Variants in TPRG1 observed in about 807,000 individuals in gnomAD.
TPRG1 encodes tumor protein p63-regulated gene 1 protein.
Under a neutral mutation model 29.3 loss-of-function variants are expected in TPRG1, and 29 were observed. The ratio of observed to expected loss-of-function variants is 0.99; its 90% CI spans 0.74 to 1.35. The LOEUF is 1.35. TPRG1 is among the 40% of genes most tolerant of loss of function. The pLI is 0.00. For synonymous variants in TPRG1, 130 were observed against 116.8 expected, an observed-to-expected ratio of 1.11 and a Z score of -0.73; for missense variants, 327 against 335.0, an observed-to-expected ratio of 0.98 and a Z score of 0.19.
intron 1 of TPRG1, 88 bp downstream of exon 1, chr3:189,172,219 G>T (rs1445357609): frequency 6.6e-6 from 1 of 152,198 alleles, no homozygotes; most frequent in Admixed American, 6.6e-5. Flanking sequence ...CCGAGTTTCT[G>T]GTCACCTCCC....
At chr3:189,023,410 TGATTCTTAGCTTCTTC>T in intron 3 of TPRG1, among the ~76,000 whole-genome samples, 1 of 152,230 alleles carries the variant, frequency 6.6e-6, no homozygotes, top group Admixed American at 6.5e-5. Context: ...TGTTTTATCA[TGATTCTTAGCTTCTTC>T]GCATTGAGTT....
intron 5 of TPRG1, among the ~76,000 whole-genome samples, chr3:189,318,393 C>T (rs1016922194): frequency 6.6e-6 from 1 of 152,090 alleles, no homozygotes; most frequent in African/African-American, 2.4e-5. Context: ...CAACTTTTCC[C>T]TTGAGTTTGT....
At chr3:189,199,955 A>G in intron 1 of TPRG1, among the ~76,000 whole-genome samples, 1 of 152,190 alleles carries the variant, frequency 6.6e-6, no homozygotes, top group South Asian at 2.1e-4. Flanking sequence ...GCAAACAATC[A>G]AGTCTCACCT....
chr3:189,064,626 C>T (rs759561011), intron 4 of TPRG1, among the ~76,000 whole-genome samples: 1 of 152,006 alleles, frequency 6.6e-6, no homozygotes, highest in Non-Finnish European at 1.5e-5. Context: ...AATCAATAAT[C>T]TCTAACAATA....
At chr3:189,315,269 C>G (rs1361911300) in intron 5 of TPRG1, among the ~76,000 whole-genome samples, 1 of 141,742 alleles carries the variant, frequency 7.1e-6, no homozygotes. Flanking sequence ...GGGTATAAGC[C>G]TGAAAGAATT....
intron 3 of TPRG1, among the ~76,000 whole-genome samples, chr3:189,014,478 A>G (rs1295937348): frequency 6.6e-6 from 1 of 151,914 alleles, no homozygotes; most frequent in African/African-American, 2.4e-5. Flanking sequence ...TGTGATGATG[A>G]TGTGTCTTGG....
intron 1 of TPRG1, among the ~76,000 whole-genome samples, chr3:189,106,091 C>T (rs1352629305): frequency 1.3e-5 from 2 of 152,050 alleles, no homozygotes; most frequent in Admixed American, 1.3e-4. Context: ...AAAACAAAGA[C>T]ACTGTTCTAC....
intron 4 of TPRG1, among the ~76,000 whole-genome samples, chr3:189,148,825 G>A (rs551787662): frequency 2.6e-4 from 39 of 152,336 alleles, no homozygotes; most frequent in African/African-American, 8.9e-4. Flanking sequence ...TATGTGAAAT[G>A]GATAAAACCA....
At chr3:189,251,533 C>T (rs1742261537) in intron 4 of TPRG1, among the ~76,000 whole-genome samples, 1 of 152,038 alleles carries the variant, frequency 6.6e-6, no homozygotes, top group Non-Finnish European at 1.5e-5. Flanking sequence ...CTCTGAGTTC[C>T]CTTAGTATTT....
At chr3:189,197,045 T>A (rs370588641) in intron 1 of TPRG1, among the ~76,000 whole-genome samples, 1 of 152,164 alleles carries the variant, frequency 6.6e-6, no homozygotes, top group South Asian at 2.1e-4. Context: ...CCAGGATTGA[T>A]GCTGGGAAGG....
chr3:189,098,301 A>G (rs535040722), upstream of TPRG1, among the ~76,000 whole-genome samples: 6 of 152,342 alleles, frequency 3.9e-5, no homozygotes, highest in East Asian at 3.9e-4. Flanking sequence ...ATACGAGTAA[A>G]GAAAATAAGA....
intron 3 of TPRG1, among the ~76,000 whole-genome samples, chr3:189,232,980 G>A (rs1738904240): frequency 6.6e-6 from 1 of 152,164 alleles, no homozygotes; most frequent in Non-Finnish European, 1.5e-5. Context: ...AACCCAGTGG[G>A]TGATCAGGGA....
At chr3:189,174,456 T>C (rs1729219582) in intron 1 of TPRG1, among the ~76,000 whole-genome samples, 1 of 152,216 alleles carries the variant, frequency 6.6e-6, no homozygotes, top group Admixed American at 6.5e-5. Flanking sequence ...GCTCCCATTT[T>C]ACCTGATTTA....
chr3:189,066,266 T>C (rs567488914), intron 4 of TPRG1, among the ~76,000 whole-genome samples: 100 of 152,224 alleles, frequency 6.6e-4, no homozygotes, highest in African/African-American at 2.3e-3. Flanking sequence ...TCAATCCTAC[T>C]TAAACTATTT....
chr3:189,078,095 T>TTCTCTCTTTCTCTCTC (rs1350887399), intron 4 of TPRG1, among the ~76,000 whole-genome samples: 2 of 30,018 alleles, frequency 6.7e-5, no homozygotes, highest in African/African-American at 1.1e-4. Flanking sequence ...CTTTCTCTCT[T>TTCTCTCTTTCTCTCTC]TCTTTCTTTC....
intron 4 of TPRG1, among the ~76,000 whole-genome samples, chr3:189,046,483 G>A (rs999968566): frequency 6.6e-6 from 1 of 152,128 alleles, no homozygotes; most frequent in African/African-American, 2.4e-5. Context: ...TTGAGATATA[G>A]GGAATAATTA....
At position 189,279,915 on chromosome 3, in the gene TPRG1, A is replaced by G. The variant is rs559367313; in HGVS notation, c.480-30471A>G. ...GGTGTATGAATGAACGGGAAAACTG[A>G]ATGTAGTCCTTCAGATAGGCAGAAG... is the stretch of plus-strand genomic sequence containing the variant. On this transcript the variant is annotated intron_variant, in intron 4 of 5. Coordinates refer to ENST00000345063, the MANE Select transcript of TPRG1 (RefSeq NM_198485.4). 5.3e-5 allele frequency among the ~76,000 whole-genome samples: 8 copies of G among 152,290 alleles called. No homozygotes were observed. In the South Asian group the frequency reaches 1.4e-3, roughly 28 times the overall value.
At chr3:189,130,234 C>G (rs1011583680) in intron 2 of TPRG1, among the ~76,000 whole-genome samples, 6 of 152,138 alleles carry the variant, frequency 3.9e-5, no homozygotes, top group Admixed American at 3.9e-4. Flanking sequence ...ACCATGAGAT[C>G]TTTCTCATAA....
At chr3:189,196,461 G>A (rs944840440) in intron 1 of TPRG1, among the ~76,000 whole-genome samples, 6 of 152,150 alleles carry the variant, frequency 3.9e-5, no homozygotes, top group African/African-American at 9.7e-5. Flanking sequence ...GGCTGGGGAG[G>A]CTTCAAAATC....
Sources: allele counts gnomAD v4.1 joint callset (sites outside exome capture counted in the v4.1 genomes callset), GRCh38; gene constraint gnomAD v4.1.1; transcripts MANE v1.5; gene names NCBI Gene and HGNC (gene_info 2026-07-23, HGNC 2026-07-21).